BIN3: variants seen among roughly 807,000 people sequenced by gnomAD.
BIN3 encodes bridging integrator 3.
BIN3 carries 41 observed loss-of-function variants against 38.2 expected under a neutral mutation model. The ratio of observed to expected loss-of-function variants is 1.07; its 90% confidence interval spans 0.84 to 1.39. BIN3 has a LOEUF of 1.39. Among genes scored for constraint, BIN3 ranks in the 40% most tolerant of loss-of-function variants. BIN3 has a pLI of 0.00. For synonymous variants in BIN3, 145 were observed against 122.6 expected (o/e 1.18, Z -1.21); for missense variants, 361 against 324.3 (o/e 1.11, Z -0.87).
At position 22,629,993 on chromosome 8, in the gene BIN3, G is replaced by C; in HGVS notation, c.309C>G (p.Ile103Met). ...DAFNQEKVNQIQKTVIEPLKK... is the reference protein window; with the variant it reads ...DAFNQEKVNQMQKTVIEPLKK... ...TTAAGGGCTCGATCACAGTCTTCTG[G>C]ATCTGGTTCACCTGTCAAAGAAAAA... is the stretch of plus-strand genomic sequence containing the variant. Residue 103 changes from isoleucine (I) to methionine (M), a missense_variant, in exon 6 of 9, where the codon ATC (isoleucine) becomes ATG (methionine). Coordinates refer to ENST00000276416, the MANE Select transcript of BIN3 (RefSeq NM_018688.6). 1 of 1,609,690 alleles carries C rather than the reference G, an allele frequency of 6.2e-7. No individual in the cohort carries two copies. The highest frequency in any genetic ancestry group is 1.1e-5 in the South Asian group (1 of 90,124).
chr8:22,650,050 G>A (rs1400329111), intron 1 of BIN3, among the ~76,000 whole-genome samples: 2 of 152,052 alleles, frequency 1.3e-5, no homozygotes, highest in African/African-American at 4.8e-5. Flanking sequence ...GAGTGGTTCA[G>A]GTATATAATG....
At chr8:22,668,931 G>C (rs953297409) in intron 1 of BIN3, 113 bp downstream of exon 1, 1 of 1,414,488 alleles carries the variant, frequency 7.1e-7, no homozygotes, top group Non-Finnish European at 9.7e-7. Flanking sequence ...GCCTTGCTCT[G>C]GGGCGGAGGG....
intron 4 of BIN3, among the ~76,000 whole-genome samples, chr8:22,632,040 C>T (rs1301966183): frequency 6.6e-6 from 1 of 152,212 alleles, no homozygotes; most frequent in African/African-American, 2.4e-5. Context: ...CATTTCTTAC[C>T]ATATGCATGT....
At chr8:22,646,483 C>T (rs1371890323) in intron 1 of BIN3, among the ~76,000 whole-genome samples, 3 of 152,194 alleles carry the variant, frequency 2.0e-5, no homozygotes, top group Non-Finnish European at 4.4e-5. Flanking sequence ...GTGTAATTAA[C>T]CACCGATAAT....
chr8:22,621,401 T>A lies in BIN3; in HGVS notation c.*21A>T. The stretch of plus-strand genomic sequence containing the variant: ...AATGAGGCTGACCACGTCACAGGAG[T>A]CCTCCAAGAGTGACGGGGATTCAGT... On this transcript the variant is annotated 3_prime_UTR_variant, in exon 9 of 9. Transcript: ENST00000276416. The A allele has an allele frequency of 1.2e-6, 2 of 1,607,278 alleles. No homozygotes were observed. Among genetic ancestry groups the A allele is most frequent in the Non-Finnish European group, 1.7e-6 (2 of 1,177,040 alleles).
intron 4 of BIN3, among the ~76,000 whole-genome samples, 175 bp from the exon 5 acceptor site, chr8:22,630,753 T>C (rs1320774148): frequency 6.6e-6 from 1 of 152,176 alleles, no homozygotes; most frequent in Non-Finnish European, 1.5e-5. Context: ...TCCCCATGGT[T>C]TAATGTTCAT....
chr8:22,636,383 C>A, intron 4 of BIN3, 142 bp downstream of exon 4: 2 of 796,988 alleles, frequency 2.5e-6, no homozygotes, highest in Non-Finnish European at 4.0e-6. Flanking sequence ...TGAGGAGTGA[C>A]TGCCCTGAGG....
intron 1 of BIN3, among the ~76,000 whole-genome samples, chr8:22,663,948 T>C (rs1306373192): frequency 1.3e-5 from 2 of 152,224 alleles, no homozygotes; most frequent in Non-Finnish European, 2.9e-5. Flanking sequence ...GCACTTTCCA[T>C]ACACCGGCTG....
At chr8:22,623,748 C>G (rs148571356) in intron 8 of BIN3, among the ~76,000 whole-genome samples, 167 bp downstream of exon 8, 1 of 152,186 alleles carries the variant, frequency 6.6e-6, no homozygotes, top group South Asian at 2.1e-4. Context: ...TCCCCCAAGT[C>G]GCTGAGCCTG....
At chr8:22,668,940 G>C (rs2117614072) in intron 1 of BIN3, 104 bp downstream of exon 1, 2 of 1,455,846 alleles carry the variant, frequency 1.4e-6, no homozygotes, top group Middle Eastern at 2.1e-4. Context: ...TGGGGCGGAG[G>C]GGTCGCGCGG....
intron 1 of BIN3, 30 bp downstream of exon 1, chr8:22,669,014 A>G: frequency 1.3e-6 from 2 of 1,570,256 alleles, no homozygotes; most frequent in Non-Finnish European, 8.6e-7. Context: ...CCGCGGGTCC[A>G]GCAGCTCCCG....
At chr8:22,655,620 T>C (rs550176061) in intron 1 of BIN3, among the ~76,000 whole-genome samples, 14 of 152,326 alleles carry the variant, frequency 9.2e-5, no homozygotes, top group Admixed American at 6.5e-5. Flanking sequence ...ATTCCATTCA[T>C]CTACATGTCC....
intron 2 of BIN3, among the ~76,000 whole-genome samples, chr8:22,641,295 C>A (rs1018365663): frequency 2.6e-5 from 4 of 152,168 alleles, no homozygotes; most frequent in African/African-American, 9.7e-5. Flanking sequence ...GACGACTACC[C>A]GTGGCCACCC....
chr8:22,628,847 A>T (rs1261074577), intron 6 of BIN3, among the ~76,000 whole-genome samples: 1 of 152,186 alleles, frequency 6.6e-6, no homozygotes, highest in African/African-American at 2.4e-5. Flanking sequence ...GCCCAGGACC[A>T]AAACCCACAG....
chr8:22,646,600 T>A (rs1224853005), intron 1 of BIN3, among the ~76,000 whole-genome samples: 2 of 152,186 alleles, frequency 1.3e-5, no homozygotes, highest in Non-Finnish European at 2.9e-5. Context: ...GCCCCATAAT[T>A]TGGGAGTGTT....
rs1399098767 is a variant in BIN3 at position 22,669,060 on chromosome 8, A to C, written c.-9T>G. On this transcript the variant is annotated 5_prime_UTR_variant, in exon 1 of 9. Transcript: ENST00000276416. The stretch of plus-strand genomic sequence containing the variant: ...CTCACTCACCAGCTCATGGTCCCGA[A>C]CCTGCGTCTGCCGCCGGGGTCCTCA... The C allele has an allele frequency of 6.3e-7, 1 of 1,591,504 alleles. No homozygotes were observed. Among genetic ancestry groups the C allele is most frequent in the South Asian group, 1.1e-5 (1 of 87,584 alleles).
At chr8:22,658,547 C>T (rs560804401) in intron 1 of BIN3, among the ~76,000 whole-genome samples, 106 of 152,326 alleles carry the variant, frequency 7.0e-4, no homozygotes, top group African/African-American at 2.3e-3. Context: ...TGTTTCCTCA[C>T]TCCCTCTGCA....
Position 22,624,488 on chromosome 8 carries a change from G to T in BIN3, c.339-125C>A, listed in dbSNP as rs567997968. ...CGCTCTTGGAGGGGCGTCCTGGCCA[G>T]CACTCACTTGTCCAAAAATGTGCCC... is the stretch of plus-strand genomic sequence containing the variant. On this transcript the variant is annotated intron_variant, in intron 6 of 8. Transcript: ENST00000276416. 1.8e-5 allele frequency: 23 copies of T among 1,304,396 alleles called. No homozygotes were observed. In the African/African-American group the frequency reaches 3.2e-4, roughly 18 times the overall value. The allele number at this position is 1,304,396 out of a possible 1,614,324, so 80.8% of individuals were successfully genotyped here.
chr8:22,647,343 T>C (rs551827823), intron 1 of BIN3, among the ~76,000 whole-genome samples: 6 of 152,278 alleles, frequency 3.9e-5, no homozygotes, highest in East Asian at 1.9e-4. Flanking sequence ...AACTGTAAGT[T>C]ACCATAGAAA....
Sources: gnomAD v4.1 joint callset for allele counts (sites outside exome capture counted in the v4.1 genomes callset) on GRCh38, gnomAD v4.1.1 for gene constraint, MANE v1.5 for transcripts, NCBI Gene and HGNC (gene_info 2026-07-23, HGNC 2026-07-21) for gene names.